SEMA4D: variants seen among roughly 807,000 people sequenced by gnomAD.
SEMA4D encodes semaphorin-4D.
Under a neutral mutation model 74.8 loss-of-function variants are expected in SEMA4D, and 22 were observed. The ratio of observed to expected loss-of-function variants is 0.29; its 90% confidence interval spans 0.21 to 0.42. The LOEUF (loss-of-function observed/expected upper bound fraction) is 0.42. Among genes scored for constraint, SEMA4D ranks in the 10% least tolerant of loss-of-function variants. The pLI is 1.00. For missense variants in SEMA4D, 937 were observed against 1,118.4 expected (o/e 0.84, Z 2.31); for synonymous variants, 445 against 463.7 (o/e 0.96, Z 0.52).
intron 1 of SEMA4D, among the ~76,000 whole-genome samples, chr9:89,480,427 G>T (rs1824491795): frequency 6.6e-6 from 1 of 152,268 alleles, no homozygotes; most frequent in South Asian, 2.1e-4. Flanking sequence ...GCATTCCTCA[G>T]CCCTTGGGTG....
intron 1 of SEMA4D, among the ~76,000 whole-genome samples, chr9:89,467,969 C>T (rs73488283): frequency 0.011 from 1,724 of 152,258 alleles, 36 homozygotes; most frequent in African/African-American, 0.038. Flanking sequence ...GGTGCTTAGC[C>T]AGCTGTTTAT....
chr9:89,466,619 C>T (rs180913755), intron 1 of SEMA4D, among the ~76,000 whole-genome samples: 1 of 144,338 alleles, frequency 6.9e-6, no homozygotes, highest in South Asian at 2.2e-4. Flanking sequence ...AGAAGCATCA[C>T]TCACCTGCAT....
intron 2 of SEMA4D, among the ~76,000 whole-genome samples, chr9:89,417,420 A>T (rs1159989819): frequency 6.6e-6 from 1 of 152,216 alleles, no homozygotes; most frequent in Non-Finnish European, 1.5e-5. Flanking sequence ...AGGAACCATG[A>T]AGGTCTAAGC....
intron 2 of SEMA4D, among the ~76,000 whole-genome samples, chr9:89,444,193 T>C (rs1226471297): frequency 6.6e-6 from 1 of 152,184 alleles, no homozygotes. Flanking sequence ...GGTCTCTGTT[T>C]TCCTGCTTCA....
At chr9:89,370,550 G>A (rs1834419781) in intron 16 of SEMA4D, among the ~76,000 whole-genome samples, 2 of 150,800 alleles carry the variant, frequency 1.3e-5, no homozygotes, top group African/African-American at 4.9e-5. Flanking sequence ...GTGTGAGGGG[G>A]TGTGGTGCTG....
At chr9:89,461,016 G>A (rs1010893911) in intron 1 of SEMA4D, among the ~76,000 whole-genome samples, 7 of 152,134 alleles carry the variant, frequency 4.6e-5, no homozygotes, top group East Asian at 1.9e-4. Context: ...AGTCATGCTC[G>A]GGGGCTCTGC....
At chr9:89,396,986 T>C (rs1841112472) in intron 5 of SEMA4D, 151 bp from the exon 6 acceptor site, 2 of 677,072 alleles carry the variant, frequency 3.0e-6, no homozygotes. Flanking sequence ...CATGTGTGCA[T>C]TCTCAGCCTT....
Position 89,361,923 on chromosome 9 carries a change from C to T in SEMA4D, c.*479G>A, listed in dbSNP as rs149362980. ...GTCTGCAGGGAGGAGAAGCAGCAGGCTTGATTTGCATCAATAAAAGCAGCG... is the reference window on the plus strand; with the variant it reads ...GTCTGCAGGGAGGAGAAGCAGCAGGTTTGATTTGCATCAATAAAAGCAGCG... On this transcript the variant is annotated 3_prime_UTR_variant, in exon 19 of 19. Coordinates refer to the SEMA4D transcript ENST00000339861. The T allele has an allele frequency of 1.2e-4, 21 of 171,020 alleles. No individual in the cohort carries two copies. The East Asian group carries it at 3.3e-3, about 27-fold the overall frequency. The allele number at this position is 171,020 out of a possible 1,614,324, so 10.6% of individuals were successfully genotyped here.
intron 1 of SEMA4D, among the ~76,000 whole-genome samples, chr9:89,494,649 C>T (rs1313964065): frequency 1.3e-5 from 2 of 152,004 alleles, no homozygotes; most frequent in African/African-American, 2.4e-5. Context: ...TGGAGATCTC[C>T]GATTATTATT....
At chr9:89,411,362 C>A (rs1303985155) in intron 2 of SEMA4D, among the ~76,000 whole-genome samples, 1 of 152,162 alleles carries the variant, frequency 6.6e-6, no homozygotes. Flanking sequence ...CAACTAACTC[C>A]ACTGGAGGTC....
At chr9:89,398,908 AGGCCTCTG>A (rs1841592775) in intron 5 of SEMA4D, among the ~76,000 whole-genome samples, 1 of 152,220 alleles carries the variant, frequency 6.6e-6, no homozygotes, top group Admixed American at 6.5e-5. Flanking sequence ...TCCAAGCCTA[AGGCCTCTG>A]GGTGCAAGGA....
In SEMA4D at chr9:89,392,526, A is replaced by C; in HGVS notation, c.519T>G (p.Leu173=). 6.2e-7 allele frequency: 1 copy of C among 1,612,940 alleles called. No homozygotes were observed. Residue 173 remains leucine (L), a synonymous_variant, in exon 8 of 16, where the codon CTT becomes CTG. Transcript: ENST00000422704. ...SYTSVMVDGE[L]YSGTSYNFLG... ...AAAAATTATACGACGTCCCCGAATA[A>C]AGTTCTCCATCTGCAGGGGCCCAGA...
In SEMA4D at chr9:89,404,308, G is replaced by A. The variant is rs558067850; in HGVS notation, c.106+1043C>T. Among the ~76,000 whole-genome samples, 8 of 152,316 alleles carry A rather than the reference G, an allele frequency of 5.3e-5. No homozygotes were observed. In the East Asian group the frequency reaches 5.8e-4, roughly 11 times the overall value. ...GGCGGGTGCTTTGGCAGCACGCCGC[G>A]AACATTACTAGGTACGAGGGAGGGA... On this transcript the variant is annotated intron_variant, in intron 3 of 15. Transcript: ENST00000422704.
At chr9:89,366,648 C>T (rs1298068082) in intron 16 of SEMA4D, among the ~76,000 whole-genome samples, 1 of 152,200 alleles carries the variant, frequency 6.6e-6, no homozygotes, top group East Asian at 1.9e-4. Context: ...AAACATATGT[C>T]TCTATGTACA....
chr9:89,374,530 G>A (rs1417653953), downstream of SEMA4D, among the ~76,000 whole-genome samples: 2 of 152,204 alleles, frequency 1.3e-5, no homozygotes, highest in Admixed American at 1.3e-4. Context: ...TCCTGCCCAT[G>A]GCTGATAATG....
At chr9:89,494,476 C>T (rs1262648435) in intron 1 of SEMA4D, among the ~76,000 whole-genome samples, 1 of 152,190 alleles carries the variant, frequency 6.6e-6, no homozygotes, top group Non-Finnish European at 1.5e-5. Flanking sequence ...GATGGGCTTC[C>T]GTGCTGAGCG....
At chr9:89,362,465 A>G in intron 18 of SEMA4D, 6 of 1,613,978 alleles carry the variant, frequency 3.7e-6, no homozygotes, top group Non-Finnish European at 4.2e-6. Context: ...CCTTGGTGGA[A>G]CGGATGGGCC....
rs532619367 is a variant in SEMA4D, at chr9:89,390,661, T to C, written c.774+603A>G. On this transcript the variant is annotated intron_variant, in intron 9 of 15. Transcript: ENST00000422704. Reference sequence around the variant, plus strand: ...GGCTACCTGCTCCGAGATGAGCTCCTGGCCAGGGACATGGCGGCTGTGTTT... The same window carrying C: ...GGCTACCTGCTCCGAGATGAGCTCCCGGCCAGGGACATGGCGGCTGTGTTT... 2.0e-3 allele frequency among the ~76,000 whole-genome samples: 300 copies of C among 152,346 alleles called. 4 individuals carry two copies. Among genetic ancestry groups the C allele is most frequent in the Non-Finnish European group, 3.1e-4 (21 of 68,022 alleles).
intron 2 of SEMA4D, among the ~76,000 whole-genome samples, chr9:89,426,388 G>A (rs554151779): frequency 2.0e-5 from 3 of 152,094 alleles, no homozygotes; most frequent in African/African-American, 4.8e-5. Context: ...ACCACAGCTC[G>A]TAACCAGAAT....
Sources: gnomAD v4.1 joint callset for allele counts (sites outside exome capture counted in the v4.1 genomes callset) on GRCh38, gnomAD v4.1.1 for gene constraint, MANE v1.5 for transcripts, NCBI Gene and HGNC (gene_info 2026-07-23, HGNC 2026-07-21) for gene names.